The following SENP6 variants were observed in gnomAD, a reference collection of about 807,000 sequenced individuals.
SENP6 encodes SUMO specific peptidase 6, also known as sentrin-specific protease 6.
Under a neutral mutation model 134.5 loss-of-function variants are expected in SENP6, and 41 were observed. The observed-to-expected ratio is 0.30, with a 90% CI of 0.24 to 0.40. The LOEUF is 0.40. Ranked by LOEUF, SENP6 falls within the 10% of genes least tolerant of loss-of-function variation. The probability of loss-of-function intolerance (pLI) is 1.00; values close to 1 mark genes in which losing one functional copy is unlikely to be tolerated. For missense variants in SENP6, 1,248 were observed against 1,312.5 expected (o/e 0.95, Z 0.76); for synonymous variants, 395 against 429.8 (o/e 0.92, Z 1.00).
chr6:75,710,218 A>G (rs1406091437), intron 20 of SENP6, among the ~76,000 whole-genome samples: 1 of 152,116 alleles, frequency 6.6e-6, no homozygotes, highest in East Asian at 1.9e-4. Flanking sequence ...TTCGATTTAT[A>G]TGTGTCATGG....
intron 6 of SENP6, 65 bp downstream of exon 6, chr6:75,640,769 T>A (rs926633698): frequency 2.4e-5 from 24 of 1,020,380 alleles, no homozygotes; most frequent in Non-Finnish European, 2.9e-5. Flanking sequence ...TATTTATATG[T>A]TTTGAAAAAT....
chr6:75,665,872 C>A (rs1288243129), intron 9 of SENP6, among the ~76,000 whole-genome samples: 1 of 151,578 alleles, frequency 6.6e-6, no homozygotes, highest in African/African-American at 2.4e-5. Flanking sequence ...ACTAAAAATA[C>A]AAAAATTAGC....
At chr6:75,710,327 A>G (rs138394738) in intron 20 of SENP6, among the ~76,000 whole-genome samples, 131 of 152,344 alleles carry the variant, frequency 8.6e-4, no homozygotes, top group African/African-American at 3.1e-3. Context: ...AGCAAGAATA[A>G]AGTATATCTG....
chr6:75,644,477 T>TTC (rs1278467388), intron 6 of SENP6, among the ~76,000 whole-genome samples: 5 of 147,860 alleles, frequency 3.4e-5, no homozygotes, highest in Non-Finnish European at 6.0e-5. Flanking sequence ...CTTTCTTTCT[T>TTC]TTTTTTTTTT....
chr6:75,685,269 T>A (rs1773747325), intron 16 of SENP6, among the ~76,000 whole-genome samples: 1 of 152,196 alleles, frequency 6.6e-6, no homozygotes, highest in African/African-American at 2.4e-5. Flanking sequence ...TGGCATCTAT[T>A]TGATTCTTCT....
At chr6:75,703,777 A>G (rs1453598553) in intron 19 of SENP6, among the ~76,000 whole-genome samples, 1 of 152,104 alleles carries the variant, frequency 6.6e-6, no homozygotes, top group Non-Finnish European at 1.5e-5. Flanking sequence ...TAAAAAACAA[A>G]AAAATTGAGA....
At chr6:75,688,897 A>G (rs1774034739) in intron 16 of SENP6, among the ~76,000 whole-genome samples, 1 of 152,146 alleles carries the variant, frequency 6.6e-6, no homozygotes, top group Non-Finnish European at 1.5e-5. Flanking sequence ...AGAAACCCCA[A>G]CTCTACTAAA....
chr6:75,704,285 A>C (rs1775240514), intron 19 of SENP6, among the ~76,000 whole-genome samples: 2 of 152,280 alleles, frequency 1.3e-5, no homozygotes, highest in Admixed American at 6.5e-5. Flanking sequence ...TATCTCAGCA[A>C]GAGGAATGCC....
At chr6:75,661,049 T>C (rs573243019) in intron 8 of SENP6, among the ~76,000 whole-genome samples, 1 of 152,318 alleles carries the variant, frequency 6.6e-6, no homozygotes, top group African/African-American at 2.4e-5. Flanking sequence ...GCACTAGTTA[T>C]GTTCATTCAC....
At chr6:75,680,345 G>A (rs900061766) in intron 16 of SENP6, among the ~76,000 whole-genome samples, 2 of 152,140 alleles carry the variant, frequency 1.3e-5, no homozygotes, top group African/African-American at 4.8e-5. Flanking sequence ...GTGCCAATAA[G>A]CAGTTGAGCA....
At chr6:75,640,731 G>A in intron 6 of SENP6, 27 bp downstream of exon 6, 2 of 1,403,944 alleles carry the variant, frequency 1.4e-6, no homozygotes, top group Non-Finnish European at 9.7e-7. Flanking sequence ...AGAAATTAGA[G>A]CATGGATATA....
intron 5 of SENP6, among the ~76,000 whole-genome samples, chr6:75,638,616 ATATATATTTTTTT>A (rs1769766884): frequency 5.6e-5 from 2 of 35,776 alleles, no homozygotes; most frequent in East Asian, 1.1e-3. Context: ...ATATATATAT[ATATATATTTTTTT>A]TTTTTTTTTT....
At chr6:75,647,209 A>G (rs1272943589) in intron 6 of SENP6, 1 of 152,214 alleles carries the variant, frequency 6.6e-6, no homozygotes, top group Non-Finnish European at 1.5e-5. Flanking sequence ...TTTTCCCCCC[A>G]AATTTTGCTT....
At chr6:75,668,537 C>T (rs1173057963) in intron 10 of SENP6, among the ~76,000 whole-genome samples, 1 of 151,954 alleles carries the variant, frequency 6.6e-6, no homozygotes, top group African/African-American at 2.4e-5. Flanking sequence ...AATTAAAATA[C>T]CTTTTGTGAA....
chr6:75,662,964 A>G (rs535645101), intron 8 of SENP6, among the ~76,000 whole-genome samples: 44 of 152,298 alleles, frequency 2.9e-4, no homozygotes, highest in African/African-American at 1.0e-3. Flanking sequence ...AATTTCTTCC[A>G]GCATTTTGAT....
intron 3 of SENP6, among the ~76,000 whole-genome samples, chr6:75,629,988 G>T (rs1389941949): frequency 1.3e-5 from 2 of 151,920 alleles, no homozygotes; most frequent in African/African-American, 4.8e-5. Flanking sequence ...ATATGGATTG[G>T]CCATACTTTG....
Position 75,602,132 on chromosome 6 carries a change from T to G in SENP6, c.-393T>G, listed in dbSNP as rs181831097. 42 of 172,562 alleles carry G rather than the reference T, an allele frequency of 2.4e-4. No homozygotes were observed. The highest frequency in any genetic ancestry group is 9.5e-4 in the African/African-American group (40 of 42,190). The allele number at this position is 172,562 out of a possible 1,614,324, so 10.7% of individuals were successfully genotyped here. A position where few individuals can be genotyped will look rare whatever the true frequency, so the allele number is the denominator to read the frequency against. ...GGCCTGGGACGAAGGGAGGCGTGTT[T>G]GTGTGCTCGCTTTCATTCTCCTTTC... On this transcript the variant is annotated 5_prime_UTR_variant, in exon 1 of 24. Transcript: ENST00000447266.
chr6:75,651,404 G>A (rs1197159869), intron 7 of SENP6, among the ~76,000 whole-genome samples: 1 of 152,116 alleles, frequency 6.6e-6, no homozygotes, highest in Non-Finnish European at 1.5e-5. Context: ...CCCAGGCTTG[G>A]AGTACAGTGA....
intron 6 of SENP6, among the ~76,000 whole-genome samples, chr6:75,644,906 T>A (rs1324485365): frequency 6.6e-6 from 1 of 152,236 alleles, no homozygotes; most frequent in Non-Finnish European, 1.5e-5. Flanking sequence ...GTATTCTGAA[T>A]TGTCTTCGTA....
Sources: gnomAD v4.1 joint callset for allele counts (sites outside exome capture counted in the v4.1 genomes callset) on GRCh38, gnomAD v4.1.1 for gene constraint, MANE v1.5 for transcripts, NCBI Gene and HGNC (gene_info 2026-07-23, HGNC 2026-07-21) for gene names.